Variants in ITGAM observed in about 807,000 individuals in gnomAD.
The protein encoded by ITGAM is integrin alpha-M.
Under a neutral mutation model 137.5 loss-of-function variants are expected in ITGAM, and 79 were observed. The observed-to-expected ratio is 0.57, with a 90% CI of 0.48 to 0.69. The LOEUF (loss-of-function observed/expected upper bound fraction) is 0.69, where lower values mean the gene tolerates loss of function less well. Ranked by LOEUF, ITGAM falls within the 30% of genes least tolerant of loss-of-function variation. The pLI, the probability that ITGAM is intolerant of heterozygous loss-of-function variation, is 0.00. For synonymous variants in ITGAM, 583 were observed against 592.3 expected (o/e 0.98, Z 0.23); for missense variants, 1,343 against 1,483.5 (o/e 0.91, Z 1.56).
At chr16:31,282,160 A>AGGTGT (rs1208173723) in intron 12 of ITGAM, among the ~76,000 whole-genome samples, 3 of 152,152 alleles carry the variant, frequency 2.0e-5, no homozygotes, top group Non-Finnish European at 4.4e-5. Flanking sequence ...ATTTTGTAAT[A>AGGTGT]GGTGTGGTGT....
intron 14 of ITGAM, among the ~76,000 whole-genome samples, chr16:31,302,211 T>G (rs1228628704): frequency 6.6e-6 from 1 of 152,072 alleles, no homozygotes; most frequent in African/African-American, 2.4e-5. Flanking sequence ...AGGAAAAGGC[T>G]CATCTGTTGT....
chr16:31,321,132 C>G (rs1292255741), intron 14 of ITGAM, 109 bp from the exon 15 acceptor site: 1 of 1,264,714 alleles, frequency 7.9e-7, no homozygotes, highest in South Asian at 1.4e-5. Flanking sequence ...AGAGATGAGA[C>G]TTGAGTAGAG....
At chr16:31,322,688 G>A (rs1056833016) in intron 16 of ITGAM, among the ~76,000 whole-genome samples, 3 of 152,130 alleles carry the variant, frequency 2.0e-5, no homozygotes, top group African/African-American at 7.2e-5. Context: ...AGAAATTAGA[G>A]TGATTGGATA....
chr16:31,316,015 A>AG (rs1469835804), intron 14 of ITGAM, among the ~76,000 whole-genome samples: 2 of 91,408 alleles, frequency 2.2e-5, no homozygotes, highest in African/African-American at 8.8e-5. Context: ...TAACAAGGTG[A>AG]AACCCCGTCT....
intron 12 of ITGAM, among the ~76,000 whole-genome samples, chr16:31,285,766 G>A (rs1361005452): frequency 6.6e-6 from 1 of 150,690 alleles, no homozygotes; most frequent in African/African-American, 2.4e-5. Flanking sequence ...TACCTGTGGT[G>A]GTTTTTCTTT....
chr16:31,285,117 A>C (rs1390122305), intron 12 of ITGAM, among the ~76,000 whole-genome samples: 1 of 152,108 alleles, frequency 6.6e-6, no homozygotes. Context: ...TTGAGCAAGC[A>C]GGAGGTACGT....
chr16:31,305,275 A>G (rs190905451), intron 14 of ITGAM, among the ~76,000 whole-genome samples: 59 of 152,256 alleles, frequency 3.9e-4, no homozygotes, highest in Middle Eastern at 6.8e-3. Flanking sequence ...TTGTTGGTGT[A>G]TAGCAGTGCT....
chr16:31,290,944 A>T (rs2080080883), intron 12 of ITGAM, among the ~76,000 whole-genome samples: 1 of 152,192 alleles, frequency 6.6e-6, no homozygotes, highest in African/African-American at 2.4e-5. Flanking sequence ...ACAATTGGAA[A>T]TTTAAATTAA....
Position 31,324,993 on chromosome 16 carries a change from C to T in ITGAM, c.2325C>T (p.Ile775=). The change falls in exon 19 of 30, where the codon ATC becomes ATT. Residue 775 remains isoleucine, a synonymous_variant. Transcript: ENST00000544665. The surrounding 1 kb of genome is among the most constrained non-coding windows in gnomAD (Gnocchi z 4.5). The part of the protein sequence containing the change: ...PFEKNCGNDN[I]CQDDLSITFS... ...AGAAGAATTGTGGCAATGACAACAT[C>T]TGCCAGGATGACCTCAGCATCACCT... 2 of 1,613,116 alleles carry T rather than the reference C, an allele frequency of 1.2e-6. No homozygotes were observed. The highest frequency in any genetic ancestry group is 1.7e-6 in the Non-Finnish European group (2 of 1,179,554).
In ITGAM at chr16:31,265,830, C is replaced by T; in HGVS notation, c.258C>T (p.Asn86=). ...CCGCAGTCCCCGTGGAGGCCGTGAA[C>T]ATGTCCCTGGGCCTGTCCCTGGCAG... is the stretch of plus-strand genomic sequence containing the variant. The part of the protein sequence containing the change: ...IRLQVPVEAV[N]MSLGLSLAAT... Residue 86 remains asparagine (N), a synonymous_variant, in exon 4 of 30, where the codon AAC becomes AAT. Coordinates refer to ENST00000544665, the MANE Select transcript of ITGAM (RefSeq NM_000632.4). The T allele has an allele frequency of 1.2e-6, 2 of 1,614,028 alleles. No homozygotes were observed. Among genetic ancestry groups the T allele is most frequent in the South Asian group, 1.1e-5 (1 of 91,070 alleles).
rs67320202 is a variant in ITGAM at position 31,302,918 on chromosome 16, C to CTCTTTCTTTCTT, written c.1707+5034_1707+5045dup. ...TCTTTCTCTCTCTCTCTTTCCCTCC[C>CTCTTTCTTTCTT]TCTTTCTTTCTTTCTTTCTTTCTTT... On this transcript the variant is annotated intron_variant, in intron 14 of 29. Coordinates refer to ENST00000544665, the MANE Select transcript of ITGAM (RefSeq NM_000632.4). Among the ~76,000 whole-genome samples the CTCTTTCTTTCTT allele has an allele frequency of 1.1e-3, 79 of 73,018 alleles. 1 individual carries two copies. Among genetic ancestry groups the CTCTTTCTTTCTT allele is most frequent in the Non-Finnish European group, 1.2e-3 (46 of 37,896 alleles). 47.9% of individuals were successfully genotyped at this position (73,018 alleles called of 152,430 possible). A position where few individuals can be genotyped will look rare whatever the true frequency, so the allele number is the denominator to read the frequency against.
chr16:31,324,613 T>G lies in ITGAM; in HGVS notation c.2158-38T>G. 6.2e-7 allele frequency: 1 copy of G among 1,608,844 alleles called. No homozygotes were observed. Among genetic ancestry groups the G allele is most frequent in the Non-Finnish European group, 8.5e-7 (1 of 1,177,018 alleles). ...CAAGCATGGAGTGGGCTTGGGGAGCTGAGGAGGGCAGATCCCCAAATCCCG... is the reference window on the plus strand; with the variant it reads ...CAAGCATGGAGTGGGCTTGGGGAGCGGAGGAGGGCAGATCCCCAAATCCCG... On this transcript the variant is annotated intron_variant, in intron 17 of 29. Coordinates refer to ENST00000544665, the MANE Select transcript of ITGAM (RefSeq NM_000632.4). This position sits in a 1 kb window ranked among gnomAD's most constrained non-coding sequence, Gnocchi z 4.5.
At chr16:31,329,655 G>A (rs75217289) in intron 24 of ITGAM, 143 bp from the exon 25 acceptor site, 4 of 663,562 alleles carry the variant, frequency 6.0e-6, no homozygotes, top group Admixed American at 2.8e-5. Context: ...ACTGGAATGC[G>A]TATTACATGT....
At position 31,328,168 on chromosome 16, in the gene ITGAM, C is replaced by T. The variant is rs754054229; in HGVS notation, c.2730C>T (p.Thr910=). 2.5e-6 allele frequency: 4 copies of T among 1,613,918 alleles called. No homozygotes were observed. The highest frequency in any genetic ancestry group is 2.5e-6 in the Non-Finnish European group (3 of 1,179,832). ...NVTSENNMPR[T]NKTEFQLELP... Reference sequence around the variant, plus strand: ...CCAGTGAGAACAACATGCCCAGAACCAACAAAACCGAATTCCAACTGGAGC... The same window carrying T: ...CCAGTGAGAACAACATGCCCAGAACTAACAAAACCGAATTCCAACTGGAGC... The change falls in exon 23 of 30, where the codon ACC becomes ACT. Residue 910 remains threonine (T), a synonymous_variant. Coordinates refer to ENST00000544665, the MANE Select transcript of ITGAM (RefSeq NM_000632.4).
At position 31,260,108 on chromosome 16, in the gene ITGAM, G is replaced by T; in HGVS notation, c.28+16G>T. 2 of 1,535,082 alleles carry T rather than the reference G, an allele frequency of 1.3e-6. No individual in the cohort carries two copies. The highest frequency in any genetic ancestry group is 1.8e-6 in the Non-Finnish European group (2 of 1,127,534). ...CTGTTAACAGGTGCATGGGGGTGGG[G>T]TGGGGGACTCTGGGTGGGGAGGAGG... is the stretch of plus-strand genomic sequence containing the variant. On this transcript the variant is annotated intron_variant, in intron 1 of 29. Coordinates refer to ENST00000544665, the MANE Select transcript of ITGAM (RefSeq NM_000632.4).
chr16:31,277,930 A>T, intron 11 of ITGAM, 37 bp from the exon 12 acceptor site: 1 of 1,555,880 alleles, frequency 6.4e-7, no homozygotes, highest in Non-Finnish European at 8.7e-7. Context: ...AGGAGGGGGC[A>T]GGGAATGCAC....
intron 12 of ITGAM, among the ~76,000 whole-genome samples, chr16:31,281,336 A>G (rs1001588344): frequency 1.1e-4 from 17 of 152,220 alleles, no homozygotes; most frequent in African/African-American, 4.1e-4. Context: ...TCAGCTGTGA[A>G]TCCGTCTGGT....
chr16:31,287,968 C>T lies in ITGAM; in HGVS notation c.1357-9546C>T, dbSNP rs187541594. 9.9e-5 allele frequency among the ~76,000 whole-genome samples: 15 copies of T among 152,218 alleles called. No homozygotes were observed. In the East Asian group the frequency reaches 2.9e-3, roughly 29 times the overall value. On this transcript the variant is annotated intron_variant, in intron 12 of 29. Coordinates refer to ENST00000544665, the MANE Select transcript of ITGAM (RefSeq NM_000632.4). ...ACCCCACACAAGTACACGCACATTA[C>T]CATCAAGGGTGATAGATGCTTAAAG...
At chr16:31,307,849 T>C (rs1176161226) in intron 14 of ITGAM, among the ~76,000 whole-genome samples, 1 of 152,198 alleles carries the variant, frequency 6.6e-6, no homozygotes, top group Non-Finnish European at 1.5e-5. Flanking sequence ...GGAGAGTTTT[T>C]AGCATGAAGG....
Sources: allele counts gnomAD v4.1 joint callset (sites outside exome capture counted in the v4.1 genomes callset), GRCh38; gene constraint gnomAD v4.1.1; non-coding constraint Gnocchi (gnomAD v3.1); transcripts MANE v1.5; gene names NCBI Gene and HGNC (gene_info 2026-07-23, HGNC 2026-07-21).